Variants in PLXNA4 observed in about 807,000 individuals in gnomAD.
The protein encoded by PLXNA4 is plexin A4, also known as plexin-A4.
A neutral mutation model predicts 191.8 loss-of-function variants in PLXNA4; 44 were observed. That is an observed-to-expected ratio of 0.23 (90% CI 0.18 to 0.29). The LOEUF (loss-of-function observed/expected upper bound fraction) is 0.29. PLXNA4 is among the 10% of genes least tolerant of loss of function. The pLI is 1.00. For missense variants in PLXNA4, 1,800 were observed against 2,488.8 expected, an observed-to-expected ratio of 0.72 and a Z score of 5.89; for synonymous variants, 1,082 against 1,009.5, an observed-to-expected ratio of 1.07 and a Z score of -1.36.
intron 2 of PLXNA4, among the ~76,000 whole-genome samples, chr7:132,613,634 A>T (rs1168323739): frequency 6.6e-6 from 1 of 152,150 alleles, no homozygotes. Flanking sequence ...AGAAAACTGG[A>T]ACACAGACCA....
Position 132,342,181 on chromosome 7 carries a change from G to A in PLXNA4, c.1372-43959C>T, listed in dbSNP as rs112568078. ...AACATCAGAAAAAGCATTTCCTGCT[G>A]TTAGGGAATTTATGATTATAAATAA... On this transcript the variant is annotated intron_variant, in intron 3 of 31. Transcript: ENST00000321063. 8.0e-3 allele frequency among the ~76,000 whole-genome samples: 1,211 copies of A among 150,578 alleles called. 20 individuals are homozygous for A. The highest frequency in any genetic ancestry group is 0.028 in the African/African-American group (1,133 of 40,848).
At chr7:132,423,074 C>T (rs141076811) in intron 3 of PLXNA4, among the ~76,000 whole-genome samples, 3 of 152,314 alleles carry the variant, frequency 2.0e-5, no homozygotes, top group East Asian at 3.9e-4. Context: ...GCATGGAATT[C>T]GTTACACGAC....
chr7:132,140,872 T>TA, intron 29 of PLXNA4, 61 bp from the exon 30 acceptor site: 1 of 1,589,670 alleles, frequency 6.3e-7, no homozygotes, highest in Non-Finnish European at 8.6e-7. Flanking sequence ...GTGGTGTGGG[T>TA]AGGAGGGGTC....
intron 3 of PLXNA4, among the ~76,000 whole-genome samples, chr7:132,375,579 C>T (rs1173830613): frequency 6.6e-6 from 1 of 152,160 alleles, no homozygotes; most frequent in African/African-American, 2.4e-5. Flanking sequence ...AACCACAGCA[C>T]AGTGTGATCC....
chr7:132,291,232 C>T (rs1800880252), intron 4 of PLXNA4, among the ~76,000 whole-genome samples: 1 of 152,194 alleles, frequency 6.6e-6, no homozygotes, highest in Non-Finnish European at 1.5e-5. Context: ...TCCTCTCGCA[C>T]CACTTCACTC....
At chr7:132,485,012 G>A (rs897249637) in intron 3 of PLXNA4, 2 of 1,611,136 alleles carry the variant, frequency 1.2e-6, no homozygotes, top group Non-Finnish European at 1.7e-6. Context: ...TGTGCCGAAG[G>A]ACTAGGGAAC....
chr7:132,248,579 T>C (rs1584897396), intron 4 of PLXNA4, among the ~76,000 whole-genome samples: 1 of 152,152 alleles, frequency 6.6e-6, no homozygotes, highest in Non-Finnish European at 1.5e-5. Flanking sequence ...CATGCAAACA[T>C]TGATGGCGTA....
At chr7:132,399,626 G>T (rs1793906341) in intron 3 of PLXNA4, among the ~76,000 whole-genome samples, 1 of 152,224 alleles carries the variant, frequency 6.6e-6, no homozygotes, top group East Asian at 1.9e-4. Context: ...CAGGGCTACA[G>T]TGAGTTTGCT....
chr7:132,449,183 C>G (rs1796025749), intron 3 of PLXNA4, among the ~76,000 whole-genome samples: 1 of 152,126 alleles, frequency 6.6e-6, no homozygotes, highest in Non-Finnish European at 1.5e-5. Context: ...GAGCTCACAC[C>G]CCTGGCTCTA....
chr7:132,622,302 C>T (rs1042951508), intron 2 of PLXNA4, among the ~76,000 whole-genome samples: 1 of 152,126 alleles, frequency 6.6e-6, no homozygotes, highest in Non-Finnish European at 1.5e-5. Flanking sequence ...GAGCTATTCG[C>T]CAATCCTGAA....
chr7:132,382,856 T>C (rs1432904298), intron 3 of PLXNA4, among the ~76,000 whole-genome samples: 1 of 152,198 alleles, frequency 6.6e-6, no homozygotes, highest in Non-Finnish European at 1.5e-5. Context: ...TGTGCATGTG[T>C]ATATTTATAT....
intron 3 of PLXNA4, among the ~76,000 whole-genome samples, chr7:132,326,651 A>G (rs1802371857): frequency 6.6e-6 from 1 of 152,150 alleles, no homozygotes; most frequent in African/African-American, 2.4e-5. Flanking sequence ...CCCCCATGGC[A>G]TCTTGGAGAG....
chr7:132,510,449 T>C (rs182705453), intron 1 of PLXNA4, among the ~76,000 whole-genome samples: 1 of 129,166 alleles, frequency 7.7e-6, no homozygotes, highest in African/African-American at 2.5e-5. Flanking sequence ...CCAAGGGCCT[T>C]CATTCATTCA....
intron 1 of PLXNA4, among the ~76,000 whole-genome samples, chr7:132,535,052 TGG>T (rs1799776571): frequency 1.3e-5 from 2 of 152,334 alleles, no homozygotes; most frequent in South Asian, 4.1e-4. Context: ...ATGCAGGCAC[TGG>T]TAATCAATAA....
chr7:132,623,725 A>G (rs904599977), intron 2 of PLXNA4, among the ~76,000 whole-genome samples: 10 of 152,098 alleles, frequency 6.6e-5, no homozygotes, highest in Non-Finnish European at 1.3e-4. Flanking sequence ...GAACAGTTTA[A>G]AAACAACCAC....
At chr7:132,259,313 G>C (rs1209387803) in intron 4 of PLXNA4, among the ~76,000 whole-genome samples, 2 of 151,528 alleles carry the variant, frequency 1.3e-5, no homozygotes, top group Non-Finnish European at 2.9e-5. Context: ...GCACGCACCT[G>C]TAATCCCAGC....
At chr7:132,546,296 G>C (rs1800303536) in intron 1 of PLXNA4, among the ~76,000 whole-genome samples, 1 of 152,170 alleles carries the variant, frequency 6.6e-6, no homozygotes, top group South Asian at 2.1e-4. Flanking sequence ...TCTAAGAAAG[G>C]ACAAGTATTA....
At chr7:132,647,528 C>A (rs1041266577) in intron 1 of PLXNA4, among the ~76,000 whole-genome samples, 5 of 151,846 alleles carry the variant, frequency 3.3e-5, no homozygotes, top group African/African-American at 1.2e-4. Context: ...CACATGCTAT[C>A]ATATACACAC....
chr7:132,543,800 A>G (rs2116520235), intron 1 of PLXNA4, among the ~76,000 whole-genome samples: 1 of 152,344 alleles, frequency 6.6e-6, no homozygotes, highest in Non-Finnish European at 1.5e-5. Flanking sequence ...GATGAATTGG[A>G]CACTTACGTG....
Sources: gnomAD v4.1 joint callset for allele counts (sites outside exome capture counted in the v4.1 genomes callset) on GRCh38, gnomAD v4.1.1 for gene constraint, MANE v1.5 for transcripts, NCBI Gene and HGNC (gene_info 2026-07-23, HGNC 2026-07-21) for gene names.